RNF24: variants seen among roughly 807,000 people sequenced by gnomAD.
RNF24 encodes the protein ring finger protein 24.
RNF24 carries 14 observed loss-of-function variants against 20.0 expected under a neutral mutation model. That is an observed-to-expected ratio of 0.70 (90% CI 0.46 to 1.10). The LOEUF (loss-of-function observed/expected upper bound fraction) is 1.10, where lower values mean the gene tolerates loss of function less well. Among genes scored for constraint, RNF24 ranks in the 50% least tolerant of loss-of-function variants. The probability of loss-of-function intolerance (pLI) is 0.00; values close to 1 mark genes in which losing one functional copy is unlikely to be tolerated. For synonymous variants in RNF24, 45 were observed against 61.1 expected (o/e 0.74, Z 1.23); for missense variants, 124 against 177.6 (o/e 0.70, Z 1.71).
At chr20:3,986,236 C>T (rs992481689) in intron 1 of RNF24, among the ~76,000 whole-genome samples, 1 of 152,018 alleles carries the variant, frequency 6.6e-6, no homozygotes, top group African/African-American at 2.4e-5. Flanking sequence ...TTTCCTCCTT[C>T]CTTCCTTTTC....
chr20:3,970,125 A>G lies in RNF24; in HGVS notation c.-7-6101T>C, dbSNP rs183112756. On this transcript the variant is annotated intron_variant, in intron 1 of 5. Transcript: ENST00000358395. ...CTCAATGGGGTGATGACAGAGGAGG[A>G]TCTCGTGAAGAATCGGGATTTTACC... Among the ~76,000 whole-genome samples the G allele has an allele frequency of 4.6e-5, 7 of 152,194 alleles. No homozygotes were observed. In the East Asian group the frequency reaches 1.4e-3, roughly 29 times the overall value.
At chr20:3,948,399 T>C in intron 2 of RNF24, 120 bp from the exon 3 acceptor site, 1 of 668,980 alleles carries the variant, frequency 1.5e-6, no homozygotes, top group Non-Finnish European at 2.5e-6. Flanking sequence ...TGATATAAAT[T>C]AGAATCTTTA....
At chr20:4,005,993 G>A (rs1006944730) in intron 1 of RNF24, among the ~76,000 whole-genome samples, 1 of 152,192 alleles carries the variant, frequency 6.6e-6, no homozygotes. Context: ...AACTGTATCT[G>A]ATACAAGCAC....
intron 4 of RNF24, among the ~76,000 whole-genome samples, chr20:3,937,914 A>G (rs535715816): frequency 6.6e-6 from 1 of 152,308 alleles, no homozygotes; most frequent in African/African-American, 2.4e-5. Context: ...ATACTGCTAT[A>G]AACACTGGTG....
At chr20:4,014,201 A>T (rs1332944574) in intron 1 of RNF24, among the ~76,000 whole-genome samples, 1 of 152,222 alleles carries the variant, frequency 6.6e-6, no homozygotes, top group East Asian at 1.9e-4. Context: ...GAAAATTCAC[A>T]TCAAAGCAAG....
chr20:3,969,881 C>T (rs1335973469), intron 1 of RNF24, among the ~76,000 whole-genome samples: 1 of 151,700 alleles, frequency 6.6e-6, no homozygotes, highest in East Asian at 1.9e-4. Context: ...AGCGATTGTC[C>T]TGCCTCAGCC....
intron 2 of RNF24, among the ~76,000 whole-genome samples, chr20:3,948,652 G>A (rs241642): frequency 0.5 from 75,404 of 151,904 alleles, 19,936 homozygotes; most frequent in African/African-American, 0.69. Context: ...CAGGATAACT[G>A]TTGCTCATAT....
intron 1 of RNF24, among the ~76,000 whole-genome samples, chr20:4,013,031 T>C (rs1266281102): frequency 6.6e-6 from 1 of 151,880 alleles, no homozygotes; most frequent in Non-Finnish European, 1.5e-5. Flanking sequence ...TGCTTCATTT[T>C]TCCTTCATAA....
At position 3,932,272 on chromosome 20, in the gene RNF24, A is replaced by G. The variant is rs2090833720; in HGVS notation, c.*1791T>C. ...TTGTGCTACAAATAGAGAATGCAAA[A>G]AGACGGTGAAAGTAGGAGTGCATAA... On this transcript the variant is annotated 3_prime_UTR_variant, in exon 6 of 6. Coordinates refer to ENST00000358395, the MANE Select transcript of RNF24 (RefSeq NM_001134337.3). 1 of 152,210 alleles carries G rather than the reference A, an allele frequency of 6.6e-6. No individual in the cohort carries two copies. Among genetic ancestry groups the G allele is most frequent in the Non-Finnish European group, 1.5e-5 (1 of 68,034 alleles). The allele number at this position is 152,210 out of a possible 1,614,324, so 9.4% of individuals were successfully genotyped here. A position where few individuals can be genotyped will look rare whatever the true frequency, so the allele number is the denominator to read the frequency against.
At chr20:3,971,075 CT>C (rs899311069) in intron 1 of RNF24, among the ~76,000 whole-genome samples, 47 of 151,634 alleles carry the variant, frequency 3.1e-4, no homozygotes, top group African/African-American at 1.1e-3. Flanking sequence ...ACAACAAAAT[CT>C]TTTTTTTTCT....
At chr20:3,939,436 CACT>C (rs1290802406) in intron 4 of RNF24, among the ~76,000 whole-genome samples, 1 of 152,174 alleles carries the variant, frequency 6.6e-6, no homozygotes, top group African/African-American at 2.4e-5. Flanking sequence ...GTCCCAGCAC[CACT>C]GATTGAAAAG....
At chr20:3,964,111 T>A in intron 1 of RNF24, 87 bp from the exon 2 acceptor site, 3 of 1,078,472 alleles carry the variant, frequency 2.8e-6, no homozygotes, top group Non-Finnish European at 4.0e-6. Flanking sequence ...AGAGGCACAA[T>A]GACCTCATCT....
chr20:3,949,789 A>G (rs1051000311), intron 2 of RNF24, among the ~76,000 whole-genome samples: 1 of 152,210 alleles, frequency 6.6e-6, no homozygotes, highest in African/African-American at 2.4e-5. Flanking sequence ...TTTAAATTTA[A>G]ATGAAGTCTA....
chr20:4,012,973 C>T (rs1982581256), intron 1 of RNF24, among the ~76,000 whole-genome samples: 1 of 151,594 alleles, frequency 6.6e-6, no homozygotes, highest in African/African-American at 2.4e-5. Flanking sequence ...TACTGGGTTA[C>T]TTCAACATTA....
At chr20:3,963,822 G>C in intron 2 of RNF24, 53 bp downstream of exon 2, 2 of 1,410,292 alleles carry the variant, frequency 1.4e-6, no homozygotes, top group South Asian at 1.4e-5. Context: ...ACAGAAACTT[G>C]ATTATTGATT....
chr20:3,979,102 A>C (rs113768936), intron 1 of RNF24, among the ~76,000 whole-genome samples: 2,117 of 150,464 alleles, frequency 0.014, 26 homozygotes, highest in African/African-American at 0.028. Context: ...AAAAAAAAAA[A>C]AAAACCCAAA....
intron 1 of RNF24, among the ~76,000 whole-genome samples, chr20:3,974,786 C>T (rs1292597456): frequency 6.6e-6 from 1 of 152,050 alleles, no homozygotes; most frequent in Middle Eastern, 3.2e-3. Context: ...CAGAGACATA[C>T]TATGTTCATG....
At chr20:3,968,226 T>C (rs1308001093) in intron 1 of RNF24, among the ~76,000 whole-genome samples, 2 of 151,334 alleles carry the variant, frequency 1.3e-5, no homozygotes, top group Non-Finnish European at 2.9e-5. Flanking sequence ...AGCTTCAACC[T>C]GGGAGGCAGA....
At chr20:3,935,221 C>G in intron 4 of RNF24, 148 bp from the exon 5 acceptor site, 2 of 599,636 alleles carry the variant, frequency 3.3e-6, no homozygotes, top group Non-Finnish European at 2.9e-6. Context: ...GAATAAATGA[C>G]TGAAAAGAAA....
Sources: gnomAD v4.1 joint callset for allele counts (sites outside exome capture counted in the v4.1 genomes callset) on GRCh38, gnomAD v4.1.1 for gene constraint, MANE v1.5 for transcripts, NCBI Gene and HGNC (gene_info 2026-07-23, HGNC 2026-07-21) for gene names.